Variants in RPS6KB1 observed in about 807,000 individuals in gnomAD.
RPS6KB1 encodes ribosomal protein S6 kinase B1, also known as ribosomal protein S6 kinase beta-1.
A neutral mutation model predicts 70.2 loss-of-function variants in RPS6KB1; 12 were observed. That is an observed-to-expected ratio of 0.17 (90% CI 0.11 to 0.28). The LOEUF is 0.28. RPS6KB1 is among the 10% of genes least tolerant of loss of function. The probability of loss-of-function intolerance (pLI) is 1.00; values close to 1 mark genes in which losing one functional copy is unlikely to be tolerated. For missense variants in RPS6KB1, 270 were observed against 646.6 expected, an observed-to-expected ratio of 0.42 and a Z score of 6.32; for synonymous variants, 175 against 211.2, an observed-to-expected ratio of 0.83 and a Z score of 1.49.
At chr17:59,914,750 A>G (rs1283264547) in intron 4 of RPS6KB1, 47 bp downstream of exon 4, 2 of 1,303,710 alleles carry the variant, frequency 1.5e-6, no homozygotes, top group East Asian at 2.3e-5. Flanking sequence ...ATATTTTTAC[A>G]CTTGATCTCA....
chr17:59,926,254 A>G (rs568211706), intron 4 of RPS6KB1, among the ~76,000 whole-genome samples, 181 bp from the exon 5 acceptor site: 10 of 152,196 alleles, frequency 6.6e-5, no homozygotes, highest in Non-Finnish European at 1.5e-4. Flanking sequence ...AAAAAATCCA[A>G]ACTGCACAGA....
At chr17:59,924,604 CAA>C (rs1490631847) in intron 4 of RPS6KB1, among the ~76,000 whole-genome samples, 1 of 151,822 alleles carries the variant, frequency 6.6e-6, no homozygotes, top group Non-Finnish European at 1.5e-5. Flanking sequence ...AAGGTATTCT[CAA>C]AAGTCTTATT....
intron 3 of RPS6KB1, among the ~76,000 whole-genome samples, chr17:59,913,167 T>C (rs2042747757): frequency 6.6e-6 from 1 of 152,224 alleles, no homozygotes; most frequent in Non-Finnish European, 1.5e-5. Flanking sequence ...TGAGTTGTTA[T>C]CTGTTACTGA....
intron 4 of RPS6KB1, among the ~76,000 whole-genome samples, chr17:59,923,081 C>T (rs1308717765): frequency 1.3e-5 from 2 of 151,720 alleles, no homozygotes; most frequent in Non-Finnish European, 2.9e-5. Context: ...CCAGGCTGGT[C>T]TTGAACTCCT....
chr17:59,944,789 A>ATT (rs776064617), intron 13 of RPS6KB1, among the ~76,000 whole-genome samples: 1 of 116,044 alleles, frequency 8.6e-6, no homozygotes, highest in African/African-American at 3.1e-5. Flanking sequence ...AGTATTTAAC[A>ATT]TCTTTTTTTT....
rs370044721 is a variant in RPS6KB1 at position 59,934,489 on chromosome 17, T to C, written c.835T>C (p.Leu279=). 1.7e-5 allele frequency: 28 copies of C among 1,613,716 alleles called. No individual in the cohort carries two copies. Among genetic ancestry groups the C allele is most frequent in the Non-Finnish European group, 2.3e-5 (27 of 1,179,806 alleles). The part of the protein sequence containing the change: ...GHNRAVDWWS[L]GALMYDMLTG... ...CAATCGTGCTGTGGATTGGTGGAGTTTGGGAGCATTAATGTATGACATGCT... is the reference window on the plus strand; with the variant it reads ...CAATCGTGCTGTGGATTGGTGGAGTCTGGGAGCATTAATGTATGACATGCT... The change falls in exon 9 of 15, where the codon TTG becomes CTG. Residue 279 remains leucine, a synonymous_variant. Transcript: ENST00000225577. This position sits in a 1 kb window ranked among gnomAD's most constrained non-coding sequence, Gnocchi z 4.8.
At chr17:59,937,205 A>G (rs2044295349) in intron 12 of RPS6KB1, among the ~76,000 whole-genome samples, 1 of 152,224 alleles carries the variant, frequency 6.6e-6, no homozygotes, top group Admixed American at 6.5e-5. Context: ...AACTAAACCC[A>G]GTGGCAATTG....
chr17:59,908,914 G>T (rs1387117594), intron 1 of RPS6KB1, among the ~76,000 whole-genome samples: 1 of 138,778 alleles, frequency 7.2e-6, no homozygotes, highest in Non-Finnish European at 1.5e-5. Flanking sequence ...CACCGCGCCC[G>T]GCCAAATTTT....
chr17:59,943,158 T>C (rs1286089596), intron 13 of RPS6KB1, among the ~76,000 whole-genome samples: 1 of 152,012 alleles, frequency 6.6e-6, no homozygotes, highest in East Asian at 1.9e-4. Context: ...GATGAGTGAG[T>C]GCATGCATGT....
chr17:59,893,659 C>A lies in RPS6KB1; in HGVS notation c.141+334C>A. On this transcript the variant is annotated intron_variant, in intron 1 of 14. Coordinates refer to ENST00000225577, the MANE Select transcript of RPS6KB1 (RefSeq NM_003161.4). This position sits in a 1 kb window ranked among gnomAD's most constrained non-coding sequence, Gnocchi z 4.1. ...GTGGCGTGAGCGTGTGTTGGGGAGA[C>A]GGGGGCTGCTCTTGCTGGGTGTCCC... The A allele has an allele frequency of 5.8e-6, 3 of 513,082 alleles. No individual in the cohort carries two copies. The highest frequency in any genetic ancestry group is 8.2e-6 in the Non-Finnish European group (3 of 367,874). 31.8% of individuals were successfully genotyped at this position (513,082 alleles called of 1,614,324 possible). A position where few individuals can be genotyped will look rare whatever the true frequency, so the allele number is the denominator to read the frequency against.
chr17:59,902,070 T>C (rs1019251296), intron 1 of RPS6KB1, among the ~76,000 whole-genome samples: 10 of 147,728 alleles, frequency 6.8e-5, no homozygotes, highest in African/African-American at 2.2e-4. Flanking sequence ...AATCATATAG[T>C]GTATGACCTT....
chr17:59,945,253 C>T (rs567931727), intron 13 of RPS6KB1, 153 bp from the exon 14 acceptor site: 29 of 496,762 alleles, frequency 5.8e-5, no homozygotes, highest in African/African-American at 2.7e-4. Flanking sequence ...AAGAAGTTAA[C>T]GGGTCTAAAA....
rs550051953 is a variant in RPS6KB1 at position 59,947,025 on chromosome 17, C to T, written c.*237C>T. On this transcript the variant is annotated 3_prime_UTR_variant, in exon 15 of 15. Transcript: ENST00000225577. ...TAGGCACATCAATTAATTGATTCCT[C>T]GCGACATCTTCTCAACCTTATCAAG... 107 of 1,343,674 alleles carry T rather than the reference C, an allele frequency of 8.0e-5. No homozygotes were observed. Among genetic ancestry groups the T allele is most frequent in the African/African-American group, 4.0e-4 (27 of 68,132 alleles). The allele number at this position is 1,343,674 out of a possible 1,614,324, so 83.2% of individuals were successfully genotyped here.
At chr17:59,896,355 G>A (rs939225615) in intron 1 of RPS6KB1, among the ~76,000 whole-genome samples, 2 of 151,930 alleles carry the variant, frequency 1.3e-5, no homozygotes, top group Non-Finnish European at 1.5e-5. Context: ...CACCAGGCCC[G>A]GCTAATTTTT....
intron 1 of RPS6KB1, among the ~76,000 whole-genome samples, chr17:59,902,069 G>A: frequency 7.3e-6 from 1 of 137,828 alleles, no homozygotes; most frequent in Non-Finnish European, 1.6e-5. Flanking sequence ...GAATCATATA[G>A]TGTATGACCT....
At position 59,893,183 on chromosome 17, in the gene RPS6KB1, C is replaced by A. The variant is rs776154177; in HGVS notation, c.-2C>A. The A allele has an allele frequency of 1.9e-6, 3 of 1,584,438 alleles. No individual in the cohort carries two copies. The highest frequency in any genetic ancestry group is 4.6e-5 in the East Asian group (2 of 43,942). ...TGTGGTGGCTGCGGCGGGTCCGGGCCCATGAGGCGACGAAGGAGGCGGGAC... is the reference window on the plus strand; with the variant it reads ...TGTGGTGGCTGCGGCGGGTCCGGGCACATGAGGCGACGAAGGAGGCGGGAC... On this transcript the variant is annotated 5_prime_UTR_variant, in exon 1 of 15. Coordinates refer to ENST00000225577, the MANE Select transcript of RPS6KB1 (RefSeq NM_003161.4). This position sits in a 1 kb window ranked among gnomAD's most constrained non-coding sequence, Gnocchi z 4.1.
At chr17:59,912,870 T>C (rs1349895317) in intron 3 of RPS6KB1, 66 bp downstream of exon 3, 18 of 1,538,472 alleles carry the variant, frequency 1.2e-5, no homozygotes, top group Non-Finnish European at 1.5e-5. Context: ...ATGCCCTGGT[T>C]CCAGCAGTCA....
intron 13 of RPS6KB1, among the ~76,000 whole-genome samples, chr17:59,941,911 T>G (rs2044622936): frequency 6.7e-6 from 1 of 149,106 alleles, no homozygotes; most frequent in African/African-American, 2.5e-5. Flanking sequence ...CAGGTTGGAG[T>G]GCAGTGGCGC....
chr17:59,917,832 T>G (rs909202475), intron 4 of RPS6KB1, among the ~76,000 whole-genome samples: 3 of 152,252 alleles, frequency 2.0e-5, no homozygotes, highest in African/African-American at 7.2e-5. Context: ...CTGTTTTCTC[T>G]TCTTGGAATT....
Sources: allele counts gnomAD v4.1 joint callset (sites outside exome capture counted in the v4.1 genomes callset), GRCh38; gene constraint gnomAD v4.1.1; non-coding constraint Gnocchi (gnomAD v3.1); transcripts MANE v1.5; gene names NCBI Gene and HGNC (gene_info 2026-07-23, HGNC 2026-07-21).